Variants in CADM1 observed in about 807,000 individuals in gnomAD.
CADM1 encodes the protein TSLC-1.
A neutral mutation model predicts 53.1 loss-of-function variants in CADM1; 15 were observed. That is an observed-to-expected ratio of 0.28 (90% CI 0.19 to 0.44). CADM1 has a LOEUF of 0.44. CADM1 is among the 20% of genes least tolerant of loss of function. CADM1 has a pLI of 1.00. For synonymous variants in CADM1, 281 were observed against 243.0 expected (o/e 1.16, Z -1.45); for missense variants, 434 against 611.3 (o/e 0.71, Z 3.06).
rs559234302 is a variant in CADM1 at position 115,503,268 on chromosome 11, G to C, written c.124+1003C>G. 2.2e-4 allele frequency among the ~76,000 whole-genome samples: 34 copies of C among 152,324 alleles called. 1 individual carries two copies. The highest frequency in any genetic ancestry group is 3.4e-3 in the Middle Eastern group (1 of 292). ...GACCGCGCCAACGCGCCCGGCACAC[G>C]GGCAGCCACACATCGGGCTCCAGCC... On this transcript the variant is annotated intron_variant, in intron 1 of 11. Coordinates refer to ENST00000331581, the MANE Select transcript of CADM1 (RefSeq NM_001301043.2).
intron 1 of CADM1, chr11:115,445,925 T>C: frequency 4.0e-6 from 1 of 251,572 alleles, no homozygotes; most frequent in Non-Finnish European, 8.0e-6. Context: ...AATCCAAACT[T>C]ATCAAATAGA....
At position 115,366,712 on chromosome 11, in the gene CADM1, CA is replaced by C. The variant is rs1331348404; in HGVS notation, c.125-126293del. The stretch of plus-strand genomic sequence containing the variant: ...CTCCAAATAAGGCAATTTACAAAAA[CA>C]AAACCAAAAACTTTCTTAAGATGTC... On this transcript the variant is annotated intron_variant, in intron 1 of 11. Coordinates refer to ENST00000331581, the MANE Select transcript of CADM1 (RefSeq NM_001301043.2). Among the ~76,000 whole-genome samples the C allele has an allele frequency of 1.5e-3, 229 of 152,016 alleles. 1 individual carries two copies. Among genetic ancestry groups the C allele is most frequent in the African/African-American group, 5.2e-3 (214 of 41,444 alleles).
At chr11:115,492,703 AAC>A (rs1397941617) in intron 1 of CADM1, among the ~76,000 whole-genome samples, 1 of 152,206 alleles carries the variant, frequency 6.6e-6, no homozygotes, top group Non-Finnish European at 1.5e-5. Context: ...ATCACTGGGA[AAC>A]AGAGTTTTCA....
intron 8 of CADM1, among the ~76,000 whole-genome samples, chr11:115,203,099 T>C (rs1726657649): frequency 6.6e-6 from 1 of 152,032 alleles, no homozygotes; most frequent in Non-Finnish European, 1.5e-5. Context: ...TCACCTCCCC[T>C]GTGAGTGAAG....
At chr11:115,189,863 A>G (rs1474577578) in intron 10 of CADM1, among the ~76,000 whole-genome samples, 1 of 152,220 alleles carries the variant, frequency 6.6e-6, no homozygotes, top group African/African-American at 2.4e-5. Flanking sequence ...AGGCTACATA[A>G]CAGCAAAGTG....
chr11:115,484,872 G>T (rs1320678132), intron 1 of CADM1, among the ~76,000 whole-genome samples: 1 of 151,718 alleles, frequency 6.6e-6, no homozygotes, highest in Non-Finnish European at 1.5e-5. Context: ...GCGTGGAACC[G>T]GGAGGCAGAG....
At chr11:115,291,543 G>A (rs960574260) in intron 1 of CADM1, among the ~76,000 whole-genome samples, 3 of 152,292 alleles carry the variant, frequency 2.0e-5, no homozygotes, top group Admixed American at 1.3e-4. Flanking sequence ...GCGCTCAGTA[G>A]CATGACCTTT....
intron 11 of CADM1, 115 bp from the exon 12 acceptor site, chr11:115,176,707 G>A (rs1047233858): frequency 4.5e-6 from 4 of 890,910 alleles, no homozygotes; most frequent in East Asian, 2.5e-5. Flanking sequence ...GCAGGCAGCA[G>A]AGGGGAAAAA....
At chr11:115,233,745 G>C (rs1565314476) in intron 3 of CADM1, among the ~76,000 whole-genome samples, 1 of 152,120 alleles carries the variant, frequency 6.6e-6, no homozygotes. Context: ...CAAGGTCCAG[G>C]AAAAAATAGG....
In CADM1 at chr11:115,174,274, T is replaced by TG. The variant is rs1188294233; in HGVS notation, c.*2199_*2200insC. 1.1e-6 allele frequency: 1 copy of TG among 919,972 alleles called. No homozygotes were observed. The highest frequency in any genetic ancestry group is 1.3e-6 in the Non-Finnish European group (1 of 791,474). The allele number at this position is 919,972 out of a possible 1,614,324, so 57.0% of individuals were successfully genotyped here. A position where few individuals can be genotyped will look rare whatever the true frequency, so the allele number is the denominator to read the frequency against. ...CTGTGAGCAATGGTGTGATTTTTTT[T>TG]TTTTGTTTTTGTTTTTGTTTTTCTT... On this transcript the variant is annotated 3_prime_UTR_variant, in exon 12 of 12. Coordinates refer to ENST00000331581, the MANE Select transcript of CADM1 (RefSeq NM_001301043.2).
chr11:115,498,129 A>G (rs759090958), intron 1 of CADM1, among the ~76,000 whole-genome samples: 1 of 152,178 alleles, frequency 6.6e-6, no homozygotes, highest in Non-Finnish European at 1.5e-5. Context: ...AGCAAATATT[A>G]AGAAGTAAAG....
chr11:115,186,906 G>A (rs1417738038), intron 10 of CADM1, among the ~76,000 whole-genome samples: 1 of 152,124 alleles, frequency 6.6e-6, no homozygotes, highest in East Asian at 1.9e-4. Context: ...GGAGAGCAGG[G>A]GCCCTGGCTC....
chr11:115,308,869 T>C (rs1255401471), intron 1 of CADM1, among the ~76,000 whole-genome samples: 1 of 145,580 alleles, frequency 6.9e-6, no homozygotes, highest in African/African-American at 2.5e-5. Context: ...TCAACAAATA[T>C]TTATTGAAGC....
intron 1 of CADM1, among the ~76,000 whole-genome samples, chr11:115,332,020 C>T (rs1316613429): frequency 6.6e-6 from 1 of 152,072 alleles, no homozygotes; most frequent in African/African-American, 2.4e-5. Context: ...GCCCAGGTGC[C>T]TGAGCGTAAC....
At chr11:115,224,090 T>G (rs981462109) in intron 5 of CADM1, among the ~76,000 whole-genome samples, 1 of 151,830 alleles carries the variant, frequency 6.6e-6, no homozygotes, top group Non-Finnish European at 1.5e-5. Flanking sequence ...AGGGAGAGGA[T>G]TTGACATAGA....
At chr11:115,383,812 G>C (rs544953426) in intron 1 of CADM1, among the ~76,000 whole-genome samples, 4 of 152,256 alleles carry the variant, frequency 2.6e-5, no homozygotes, top group Admixed American at 2.6e-4. Flanking sequence ...CCAAATGGCT[G>C]ATCTTTATTC....
At chr11:115,251,776 A>G (rs992813470) in intron 1 of CADM1, among the ~76,000 whole-genome samples, 3 of 152,312 alleles carry the variant, frequency 2.0e-5, no homozygotes, top group Non-Finnish European at 2.9e-5. Context: ...TGGTTTCCTC[A>G]GTTGCTGGTC....
chr11:115,444,275 C>T (rs1029238633), intron 1 of CADM1, among the ~76,000 whole-genome samples: 3 of 152,156 alleles, frequency 2.0e-5, no homozygotes, highest in African/African-American at 4.8e-5. Flanking sequence ...TCTATAAAAA[C>T]GTACATGTAA....
chr11:115,191,025 T>C, intron 9 of CADM1, 84 bp from the exon 10 acceptor site: 1 of 1,152,144 alleles, frequency 8.7e-7, no homozygotes. Context: ...TGAATTTCTT[T>C]AAAAACATGA....
Sources: gnomAD v4.1 joint callset for allele counts (sites outside exome capture counted in the v4.1 genomes callset) on GRCh38, gnomAD v4.1.1 for gene constraint, MANE v1.5 for transcripts, NCBI Gene and HGNC (gene_info 2026-07-23, HGNC 2026-07-21) for gene names.